The following NEGR1 variants were observed in gnomAD, a reference collection of about 807,000 sequenced individuals.
The protein encoded by NEGR1 is neuronal growth regulator 1.
In NEGR1, 10 loss-of-function variants were observed where a neutral mutation model predicts 40.9. That is an observed-to-expected ratio of 0.24 (90% CI 0.15 to 0.42). The LOEUF is 0.42. Among genes scored for constraint, NEGR1 ranks in the 10% least tolerant of loss-of-function variants. The pLI, the probability that NEGR1 is intolerant of heterozygous loss-of-function variation, is 1.00. For missense variants in NEGR1, 352 were observed against 438.9 expected (o/e 0.80, Z 1.77); for synonymous variants, 185 against 166.8 (o/e 1.11, Z -0.84).
intron 1 of NEGR1, among the ~76,000 whole-genome samples, chr1:72,257,403 ATG>A (rs894154598): frequency 2.3e-4 from 35 of 151,816 alleles, no homozygotes; most frequent in African/African-American, 4.3e-4. Flanking sequence ...GGAGAAAAAA[ATG>A]TGTGAGTTGA....
At chr1:71,750,197 G>A (rs1655523994) in intron 3 of NEGR1, among the ~76,000 whole-genome samples, 1 of 151,858 alleles carries the variant, frequency 6.6e-6, no homozygotes, top group Admixed American at 6.6e-5. Flanking sequence ...GTTTCACCTT[G>A]TTAACCAGGA....
intron 1 of NEGR1, among the ~76,000 whole-genome samples, chr1:72,246,946 C>T (rs1161742984): frequency 2.0e-5 from 3 of 152,202 alleles, no homozygotes; most frequent in East Asian, 3.8e-4. Flanking sequence ...ACTTGGAAGC[C>T]GCCAAGGCTT....
chr1:72,001,708 G>A (rs1646559039), intron 1 of NEGR1, among the ~76,000 whole-genome samples: 1 of 150,938 alleles, frequency 6.6e-6, no homozygotes, highest in Admixed American at 6.7e-5. Flanking sequence ...CTTATAGATA[G>A]TATAATAGCT....
Position 72,274,691 on chromosome 1 carries a change from T to C in NEGR1, c.176+7628A>G, listed in dbSNP as rs1000858940. ...GGTACCTATATGCTGAAAAAACCCA[T>C]TGAAGAAATCATTGTGCAGAATGGA... On this transcript the variant is annotated intron_variant, in intron 1 of 6. Coordinates refer to ENST00000357731, the MANE Select transcript of NEGR1 (RefSeq NM_173808.3). 65 of 979,098 alleles carry C rather than the reference T, an allele frequency of 6.6e-5. No homozygotes were observed. The African/African-American group carries it at 8.3e-4, about 12-fold the overall frequency. The allele number at this position is 979,098 out of a possible 1,614,324, so 60.7% of individuals were successfully genotyped here.
At chr1:71,471,015 A>G (rs1646778659) in intron 6 of NEGR1, among the ~76,000 whole-genome samples, 1 of 152,042 alleles carries the variant, frequency 6.6e-6, no homozygotes, top group African/African-American at 2.4e-5. Context: ...TCTATCAGGT[A>G]TCTTTTTATT....
intron 2 of NEGR1, among the ~76,000 whole-genome samples, chr1:71,853,532 C>T (rs1243665096): frequency 6.6e-6 from 1 of 151,916 alleles, no homozygotes; most frequent in Non-Finnish European, 1.5e-5. Context: ...TTGAAAAATG[C>T]CATGAGCTAT....
intron 3 of NEGR1, among the ~76,000 whole-genome samples, chr1:71,768,160 T>C (rs915045840): frequency 4.6e-5 from 7 of 152,004 alleles, no homozygotes; most frequent in Non-Finnish European, 1.0e-4. Flanking sequence ...CATTACTTAG[T>C]GGAGTTGTGA....
At chr1:72,249,313 G>A (rs1655007468) in intron 1 of NEGR1, among the ~76,000 whole-genome samples, 1 of 152,184 alleles carries the variant, frequency 6.6e-6, no homozygotes, top group Non-Finnish European at 1.5e-5. Flanking sequence ...ATAAATTTCT[G>A]CTATTTAAAA....
intron 1 of NEGR1, among the ~76,000 whole-genome samples, chr1:72,005,086 T>C (rs1646595367): frequency 6.6e-6 from 1 of 152,152 alleles, no homozygotes; most frequent in Non-Finnish European, 1.5e-5. Flanking sequence ...GGTTAAGCAC[T>C]AGCCTGGCAT....
chr1:71,656,667 T>C (rs1379180227), intron 4 of NEGR1, among the ~76,000 whole-genome samples: 2 of 152,342 alleles, frequency 1.3e-5, no homozygotes, highest in East Asian at 3.9e-4. Context: ...CCCGAAGTGC[T>C]GGGATTACAG....
chr1:71,849,844 A>G (rs2101811384), intron 2 of NEGR1, among the ~76,000 whole-genome samples: 1 of 152,282 alleles, frequency 6.6e-6, no homozygotes, highest in African/African-American at 2.4e-5. Context: ...TTTTTTAATT[A>G]AGGTGTGTAC....
At chr1:72,117,303 T>A (rs948364322) in intron 1 of NEGR1, among the ~76,000 whole-genome samples, 1 of 151,822 alleles carries the variant, frequency 6.6e-6, no homozygotes, top group Non-Finnish European at 1.5e-5. Flanking sequence ...TTTTGTTTGT[T>A]TGTTTGTTTG....
chr1:71,737,919 T>C (rs540166557), intron 3 of NEGR1, among the ~76,000 whole-genome samples: 1 of 152,190 alleles, frequency 6.6e-6, no homozygotes, highest in South Asian at 2.1e-4. Flanking sequence ...GGAATTACAG[T>C]CGGTTTAGGC....
Position 71,404,034 on chromosome 1 carries a change from C to T in NEGR1, c.*3412G>A. The stretch of plus-strand genomic sequence containing the variant: ...TTAAATAGGTAACTTTTGGCTGTGT[C>T]ACAAAGCTAAGCACAATGGATAAAT... On this transcript the variant is annotated 3_prime_UTR_variant, in exon 7 of 7. Coordinates refer to ENST00000357731, the MANE Select transcript of NEGR1 (RefSeq NM_173808.3). The T allele has an allele frequency of 3.1e-6, 1 of 325,808 alleles. No individual in the cohort carries two copies. The highest frequency in any genetic ancestry group is 5.6e-6 in the Non-Finnish European group (1 of 177,568). The allele number at this position is 325,808 out of a possible 1,614,324, so 20.2% of individuals were successfully genotyped here.
chr1:71,417,366 C>G (rs1646363250), intron 6 of NEGR1, among the ~76,000 whole-genome samples: 1 of 151,920 alleles, frequency 6.6e-6, no homozygotes, highest in South Asian at 2.1e-4. Flanking sequence ...TACTATAGAG[C>G]TGAAGAAAAA....
Position 72,008,362 on chromosome 1 carries a change from T to C in NEGR1, c.177-73051A>G, listed in dbSNP as rs550208030. On this transcript the variant is annotated intron_variant, in intron 1 of 6. Transcript: ENST00000357731. Reference sequence around the variant, plus strand: ...AAAGGTTTTTCTATCTAATAAAATGTACTTATTTTTCTCTTGTGACCTACT... The same window carrying C: ...AAAGGTTTTTCTATCTAATAAAATGCACTTATTTTTCTCTTGTGACCTACT... Among the ~76,000 whole-genome samples the C allele has an allele frequency of 4.6e-5, 7 of 152,262 alleles. No homozygotes were observed. In the East Asian group the frequency reaches 1.4e-3, roughly 29 times the overall value.
intron 1 of NEGR1, among the ~76,000 whole-genome samples, chr1:72,144,443 TAAC>T (rs554161411): frequency 5.7e-4 from 53 of 92,828 alleles, no homozygotes; most frequent in African/African-American, 1.2e-3. Flanking sequence ...TAAAAACAGA[TAAC>T]AAACTACATA....
intron 1 of NEGR1, among the ~76,000 whole-genome samples, chr1:72,044,059 C>T (rs34122915): frequency 6.6e-6 from 1 of 151,160 alleles, no homozygotes; most frequent in East Asian, 1.9e-4. Flanking sequence ...TTGTAAAGAC[C>T]CCCCCATACC....
intron 6 of NEGR1, among the ~76,000 whole-genome samples, chr1:71,475,881 TATA>T (rs1646816516): frequency 6.6e-6 from 1 of 152,054 alleles, no homozygotes; most frequent in African/African-American, 2.4e-5. Flanking sequence ...TTCTAGAGAC[TATA>T]ATATCTTCAA....
Sources: gnomAD v4.1 joint callset for allele counts (sites outside exome capture counted in the v4.1 genomes callset) on GRCh38, gnomAD v4.1.1 for gene constraint, MANE v1.5 for transcripts, NCBI Gene and HGNC (gene_info 2026-07-23, HGNC 2026-07-21) for gene names.